GAB1: variants seen among roughly 807,000 people sequenced by gnomAD.
The protein encoded by GAB1 is GRB2-associated-binding protein 1.
In GAB1, 19 loss-of-function variants were observed where a neutral mutation model predicts 66.5. That is an observed-to-expected ratio of 0.29 (90% CI 0.20 to 0.42). The LOEUF is 0.42. Ranked by LOEUF, GAB1 falls within the 10% of genes least tolerant of loss-of-function variation. The probability of loss-of-function intolerance (pLI) is 1.00; values close to 1 mark genes in which losing one functional copy is unlikely to be tolerated. For synonymous variants in GAB1, 294 were observed against 301.4 expected (o/e 0.98, Z 0.25); for missense variants, 732 against 858.5 (o/e 0.85, Z 1.84).
In GAB1 at chr4:143,472,010, A is replaced by G. The variant is rs144782288; in HGVS notation, c.*2821A>G. On this transcript the variant is annotated 3_prime_UTR_variant, in exon 10 of 10. Coordinates refer to ENST00000262994, the MANE Select transcript of GAB1 (RefSeq NM_002039.4). ...TGGAGATTGGAAATCTTTCTTCCAC[A>G]TTAGAGTTCTTTACCTTAATTCCTT... 59 of 152,334 alleles carry G rather than the reference A, an allele frequency of 3.9e-4. No homozygotes were observed. The East Asian group carries it at 0.011, about 29-fold the overall frequency. 9.4% of individuals were successfully genotyped at this position (152,334 alleles called of 1,614,324 possible). A position where few individuals can be genotyped will look rare whatever the true frequency, so the allele number is the denominator to read the frequency against.
chr4:143,425,762 T>C, intron 2 of GAB1: 1 of 764,194 alleles, frequency 1.3e-6, no homozygotes. Context: ...AGTTCACTGC[T>C]ACTCAGCCTG....
chr4:143,463,636 A>T (rs1410931471), intron 8 of GAB1, among the ~76,000 whole-genome samples: 1 of 151,954 alleles, frequency 6.6e-6, no homozygotes, highest in Non-Finnish European at 1.5e-5. Context: ...AAAAAAAAAA[A>T]AAAAAATCTC....
At chr4:143,390,069 A>C (rs1279047670) in intron 1 of GAB1, among the ~76,000 whole-genome samples, 2 of 152,226 alleles carry the variant, frequency 1.3e-5, no homozygotes, top group Non-Finnish European at 1.5e-5. Flanking sequence ...AGCCAAAGTA[A>C]GTTCATTTTG....
At chr4:143,416,057 A>G (rs575777265) in intron 2 of GAB1, among the ~76,000 whole-genome samples, 1 of 152,324 alleles carries the variant, frequency 6.6e-6, no homozygotes, top group East Asian at 1.9e-4. Context: ...CAATATAAAT[A>G]TTCAGTTTAA....
intron 2 of GAB1, among the ~76,000 whole-genome samples, chr4:143,426,359 G>A (rs1003150422): frequency 4.2e-4 from 64 of 152,176 alleles, no homozygotes; most frequent in Admixed American, 1.6e-3. Flanking sequence ...AGACCAGCCT[G>A]GGCAACATGG....
intron 1 of GAB1, among the ~76,000 whole-genome samples, chr4:143,393,657 T>A (rs1731294595): frequency 6.6e-6 from 1 of 152,136 alleles, no homozygotes; most frequent in African/African-American, 2.4e-5. Context: ...GGCTTTCCAG[T>A]GGTGAGTGTC....
chr4:143,349,117 G>A (rs1371519046), intron 1 of GAB1, among the ~76,000 whole-genome samples: 1 of 152,152 alleles, frequency 6.6e-6, no homozygotes, highest in Non-Finnish European at 1.5e-5. Flanking sequence ...GTGGGGCCAT[G>A]TTGTGACTTT....
intron 1 of GAB1, among the ~76,000 whole-genome samples, chr4:143,392,933 A>T (rs1170647362): frequency 6.6e-6 from 1 of 152,236 alleles, no homozygotes; most frequent in Middle Eastern, 3.4e-3. Context: ...ACTTTCTATT[A>T]GTGATAGCAG....
chr4:143,431,974 C>T (rs1733679785), intron 2 of GAB1, among the ~76,000 whole-genome samples: 1 of 152,104 alleles, frequency 6.6e-6, no homozygotes, highest in Non-Finnish European at 1.5e-5. Flanking sequence ...AAAGCTAACT[C>T]CTGACCTGGT....
In GAB1 at chr4:143,364,052, G is replaced by A. The variant is rs28989216; in HGVS notation, c.72+26792G>A. Among the ~76,000 whole-genome samples the A allele has an allele frequency of 6.5e-3, 982 of 152,224 alleles. 17 individuals carry two copies. Among genetic ancestry groups the A allele is most frequent in the African/African-American group, 0.021 (886 of 41,506 alleles). On this transcript the variant is annotated intron_variant, in intron 1 of 9. Coordinates refer to ENST00000262994, the MANE Select transcript of GAB1 (RefSeq NM_002039.4). ...AAAATACAAAAATTAGCCGGGCATG[G>A]TGGCAGGCACCTGTAATCCCAGCTG...
intron 1 of GAB1, among the ~76,000 whole-genome samples, chr4:143,347,155 C>G (rs181896610): frequency 9.5e-4 from 145 of 152,274 alleles, no homozygotes; most frequent in African/African-American, 3.4e-3. Flanking sequence ...TTCCAGAGGA[C>G]AGAGATGGCA....
At chr4:143,430,223 G>T (rs916669697) in intron 2 of GAB1, among the ~76,000 whole-genome samples, 8 of 152,178 alleles carry the variant, frequency 5.3e-5, no homozygotes, top group African/African-American at 1.9e-4. Flanking sequence ...ACAATTGTCA[G>T]TGAGTAATGA....
At chr4:143,391,367 C>T (rs7680959) in intron 1 of GAB1, 67,492 of 151,764 alleles carry the variant, frequency 0.44, 15,514 homozygotes, top group South Asian at 0.57. Flanking sequence ...AAAGAGTGGA[C>T]AAAAAGCAGT....
chr4:143,444,106 T>C (rs1225043372), intron 6 of GAB1, among the ~76,000 whole-genome samples: 6 of 152,206 alleles, frequency 3.9e-5, no homozygotes, highest in Non-Finnish European at 8.8e-5. Flanking sequence ...ACCTCTTCAA[T>C]TGAAAATTTT....
intron 2 of GAB1, chr4:143,425,581 G>A (rs1578696091): frequency 6.6e-6 from 5 of 762,762 alleles, no homozygotes; most frequent in South Asian, 1.3e-5. Context: ...ATGCTGGCTC[G>A]GGAAGTTCTG....
chr4:143,440,351 C>T lies in GAB1; in HGVS notation c.1554C>T (p.Pro518=), dbSNP rs778101536. 17 of 1,613,212 alleles carry T rather than the reference C, an allele frequency of 1.1e-5. No homozygotes were observed. Among genetic ancestry groups the T allele is most frequent in the East Asian group, 2.2e-5 (1 of 44,862 alleles). Residue 518 remains proline, a synonymous_variant, in exon 6 of 10, where the codon CCC becomes CCT. Transcript: ENST00000262994. ...CTGTTGCAGACTGTGAACCACCCCC[C>T]GTGGATAGGAACCTCAAGCCAGACA... The part of the protein sequence containing the change: ...PVPVADCEPP[P]VDRNLKPDRK...
chr4:143,364,439 A>G (rs1426281683), intron 1 of GAB1, among the ~76,000 whole-genome samples: 1 of 152,168 alleles, frequency 6.6e-6, no homozygotes, highest in East Asian at 1.9e-4. Flanking sequence ...TCTTTAGAGA[A>G]CTTCTAGAGT....
At chr4:143,373,640 G>A (rs989299695) in intron 1 of GAB1, among the ~76,000 whole-genome samples, 2 of 151,806 alleles carry the variant, frequency 1.3e-5, no homozygotes, top group Admixed American at 1.3e-4. Flanking sequence ...ACCAGCCTGG[G>A]CAACATGGCA....
intron 1 of GAB1, among the ~76,000 whole-genome samples, chr4:143,379,404 A>C (rs1465913410): frequency 6.6e-6 from 1 of 152,160 alleles, no homozygotes; most frequent in Non-Finnish European, 1.5e-5. Flanking sequence ...GGATATCCTT[A>C]AGATGATACA....
Sources: gnomAD v4.1 joint callset for allele counts (sites outside exome capture counted in the v4.1 genomes callset) on GRCh38, gnomAD v4.1.1 for gene constraint, MANE v1.5 for transcripts, NCBI Gene and HGNC (gene_info 2026-07-23, HGNC 2026-07-21) for gene names.